CTNNA2: variants seen among roughly 807,000 people sequenced by gnomAD.
CTNNA2 encodes the protein catenin alpha-2.
Under a neutral mutation model 101.0 loss-of-function variants are expected in CTNNA2, and 42 were observed. The ratio of observed to expected loss-of-function variants is 0.42; its 90% confidence interval spans 0.32 to 0.54. CTNNA2 has a LOEUF of 0.54. Among genes scored for constraint, CTNNA2 ranks in the 20% least tolerant of loss-of-function variants. CTNNA2 has a pLI of 0.14. For synonymous variants in CTNNA2, 450 were observed against 456.4 expected (o/e 0.99, Z 0.18); for missense variants, 871 against 1,223.1 (o/e 0.71, Z 4.29).
At chr2:79,883,968 G>T (rs1238243559) in intron 6 of CTNNA2, among the ~76,000 whole-genome samples, 3 of 152,154 alleles carry the variant, frequency 2.0e-5, no homozygotes, top group Admixed American at 6.5e-5. Context: ...ATATCAATTT[G>T]TTTAATATCT....
chr2:79,520,991 T>G (rs1672073459), intron 1 of CTNNA2, among the ~76,000 whole-genome samples: 1 of 151,372 alleles, frequency 6.6e-6, no homozygotes, highest in African/African-American at 2.4e-5. Flanking sequence ...GTACAAGGAC[T>G]TTTGCATGAA....
intron 4 of CTNNA2, among the ~76,000 whole-genome samples, chr2:79,469,310 C>T (rs560920647): frequency 1.6e-4 from 24 of 152,136 alleles, no homozygotes; most frequent in African/African-American, 5.3e-4. Context: ...ACACATACAC[C>T]CTCCCAAGAC....
At chr2:80,316,205 G>C (rs1162486921) in intron 7 of CTNNA2, among the ~76,000 whole-genome samples, 1 of 152,078 alleles carries the variant, frequency 6.6e-6, no homozygotes, top group South Asian at 2.1e-4. Flanking sequence ...GCTAGAGAGA[G>C]AGGATATAAC....
intron 3 of CTNNA2, among the ~76,000 whole-genome samples, chr2:79,794,236 G>A (rs1675516816): frequency 6.6e-6 from 1 of 152,160 alleles, no homozygotes; most frequent in South Asian, 2.1e-4. Context: ...AGCAGATATA[G>A]GGATTTATGG....
At chr2:80,121,581 G>A (rs866454928) in intron 7 of CTNNA2, among the ~76,000 whole-genome samples, 11 of 152,094 alleles carry the variant, frequency 7.2e-5, no homozygotes, top group East Asian at 1.9e-4. Context: ...TGGCAATCTC[G>A]TATTGAAGAT....
chr2:79,664,853 A>G (rs1156595158), intron 2 of CTNNA2, among the ~76,000 whole-genome samples: 1 of 151,452 alleles, frequency 6.6e-6, no homozygotes, highest in Non-Finnish European at 1.5e-5. Context: ...CTGGGACTAC[A>G]GGCGCCCGCC....
intron 9 of CTNNA2, among the ~76,000 whole-genome samples, chr2:80,429,334 A>G (rs925160792): frequency 1.3e-5 from 2 of 152,184 alleles, no homozygotes; most frequent in African/African-American, 4.8e-5. Context: ...ACTTCAAATT[A>G]CAGATGAGAA....
intron 7 of CTNNA2, among the ~76,000 whole-genome samples, chr2:80,312,029 A>G (rs944594220): frequency 2.0e-5 from 3 of 152,226 alleles, no homozygotes; most frequent in Admixed American, 6.5e-5. Flanking sequence ...TCTACTTGCT[A>G]TTAGCAAATT....
chr2:80,063,847 A>G (rs1572976618), intron 7 of CTNNA2, among the ~76,000 whole-genome samples: 1 of 152,204 alleles, frequency 6.6e-6, no homozygotes, highest in African/African-American at 2.4e-5. Flanking sequence ...TATCATTTCC[A>G]AAGTATAAGA....
rs560215902 is a variant in CTNNA2 at position 80,342,325 on chromosome 2, AC to A, written c.1057-50885del. On this transcript the variant is annotated intron_variant, in intron 7 of 18. Transcript: ENST00000402739. ...CACCTGGAGTTGGGCCATCCAGACA[AC>A]ATATAAGTACATCTAAAATTAAGTC... Among the ~76,000 whole-genome samples the A allele has an allele frequency of 1.1e-3, 170 of 152,334 alleles. 1 individual carries two copies. The highest frequency in any genetic ancestry group is 0.01 in the Admixed American group (154 of 15,298).
At chr2:79,786,257 T>G (rs1674836966) in intron 3 of CTNNA2, among the ~76,000 whole-genome samples, 1 of 151,082 alleles carries the variant, frequency 6.6e-6, no homozygotes, top group South Asian at 2.1e-4. Flanking sequence ...TTTTATTCAT[T>G]AAAATTAATA....
intron 7 of CTNNA2, among the ~76,000 whole-genome samples, chr2:80,188,614 C>T (rs972485351): frequency 3.3e-5 from 5 of 152,160 alleles, no homozygotes; most frequent in African/African-American, 1.2e-4. Context: ...AGAGGCCACC[C>T]AATTCCTTGG....
intron 15 of CTNNA2, among the ~76,000 whole-genome samples, chr2:80,595,461 G>A (rs1408157607): frequency 6.6e-6 from 1 of 152,008 alleles, no homozygotes. Flanking sequence ...ATGCCTTTTA[G>A]TTCTTTAACT....
intron 7 of CTNNA2, chr2:80,289,288 T>C (rs1675034644): frequency 6.6e-6 from 1 of 152,190 alleles, no homozygotes; most frequent in African/African-American, 2.4e-5. Context: ...AAGGGATCTT[T>C]GTAACTTCCC....
At chr2:79,360,438 G>A (rs1254513527) in intron 3 of CTNNA2, among the ~76,000 whole-genome samples, 2 of 152,164 alleles carry the variant, frequency 1.3e-5, no homozygotes, top group East Asian at 3.9e-4. Context: ...GTGTCATGTG[G>A]ATGAGAAGCA....
chr2:79,202,340 T>A (rs993232689), intron 2 of CTNNA2, among the ~76,000 whole-genome samples: 1 of 119,170 alleles, frequency 8.4e-6, no homozygotes, highest in Non-Finnish European at 1.8e-5. Flanking sequence ...TTTTTATTTT[T>A]TTTATTTTTT....
intron 2 of CTNNA2, among the ~76,000 whole-genome samples, chr2:79,282,528 A>G (rs990111086): frequency 1.4e-4 from 21 of 150,598 alleles, no homozygotes; most frequent in African/African-American, 5.1e-4. Flanking sequence ...TGTTCTTGCG[A>G]TAGTTTACTG....
At chr2:79,283,133 A>T (rs1308138072) in intron 2 of CTNNA2, among the ~76,000 whole-genome samples, 1 of 90,234 alleles carries the variant, frequency 1.1e-5, no homozygotes, top group African/African-American at 3.1e-5. Flanking sequence ...AATTTGTTTG[A>T]GTTCATTGTA....
intron 3 of CTNNA2, among the ~76,000 whole-genome samples, chr2:79,349,589 A>T (rs1236364072): frequency 1.3e-5 from 2 of 152,252 alleles, no homozygotes; most frequent in Non-Finnish European, 2.9e-5. Flanking sequence ...TCTATAGATT[A>T]GATACACCTA....
Sources: gnomAD v4.1 joint callset for allele counts (sites outside exome capture counted in the v4.1 genomes callset) on GRCh38, gnomAD v4.1.1 for gene constraint, MANE v1.5 for transcripts, NCBI Gene and HGNC (gene_info 2026-07-23, HGNC 2026-07-21) for gene names.